APBB2: variants seen among roughly 807,000 people sequenced by gnomAD.
The protein encoded by APBB2 is Fe65-like 1.
APBB2 carries 38 observed loss-of-function variants against 82.5 expected under a neutral mutation model. That is an observed-to-expected ratio of 0.46 (90% CI 0.36 to 0.60). The LOEUF (loss-of-function observed/expected upper bound fraction) is 0.60, where lower values mean the gene tolerates loss of function less well. Ranked by LOEUF, APBB2 falls within the 20% of genes least tolerant of loss-of-function variation. APBB2 has a pLI of 0.00. For missense variants in APBB2, 772 were observed against 972.3 expected (o/e 0.79, Z 2.74); for synonymous variants, 341 against 368.2 (o/e 0.93, Z 0.85).
At chr4:40,987,380 C>A (rs1035021144) in intron 6 of APBB2, among the ~76,000 whole-genome samples, 1 of 152,196 alleles carries the variant, frequency 6.6e-6, no homozygotes, top group Non-Finnish European at 1.5e-5. Flanking sequence ...TGTAAAGTTA[C>A]ACAATCATCA....
intron 17 of APBB2, among the ~76,000 whole-genome samples, chr4:40,818,587 CTCA>C (rs1746639072): frequency 6.6e-6 from 1 of 152,168 alleles, no homozygotes; most frequent in South Asian, 2.1e-4. Flanking sequence ...TCTCCTTTAT[CTCA>C]TCAACTCCCT....
intron 4 of APBB2, among the ~76,000 whole-genome samples, chr4:41,050,470 T>C (rs1192875876): frequency 6.6e-6 from 1 of 152,202 alleles, no homozygotes; most frequent in Non-Finnish European, 1.5e-5. Context: ...TGCATATTGT[T>C]TTTCCAGAGG....
chr4:41,163,926 T>C (rs1329745227), intron 1 of APBB2, among the ~76,000 whole-genome samples: 1 of 152,188 alleles, frequency 6.6e-6, no homozygotes, highest in Non-Finnish European at 1.5e-5. Flanking sequence ...GAAATATAAA[T>C]GTTCTCTAAC....
intron 1 of APBB2, among the ~76,000 whole-genome samples, chr4:41,160,037 A>C (rs1041986576): frequency 2.8e-4 from 41 of 146,282 alleles, no homozygotes; most frequent in African/African-American, 9.3e-4. Context: ...AAGAAGAAGA[A>C]AACATCACAG....
intron 10 of APBB2, among the ~76,000 whole-genome samples, chr4:40,929,748 A>G (rs1052210453): frequency 2.6e-5 from 4 of 152,270 alleles, no homozygotes; most frequent in Non-Finnish European, 5.9e-5. Flanking sequence ...ATGCTGCTGC[A>G]GGCTTTCTGG....
chr4:41,176,497 G>GC (rs754949199), intron 1 of APBB2, among the ~76,000 whole-genome samples: 1 of 151,418 alleles, frequency 6.6e-6, no homozygotes, highest in Non-Finnish European at 1.5e-5. Context: ...CCACCTACCA[G>GC]CCCAAAGGTC....
chr4:40,831,993 T>C (rs981488357), intron 12 of APBB2, among the ~76,000 whole-genome samples: 7 of 138,910 alleles, frequency 5.0e-5, no homozygotes, highest in African/African-American at 1.7e-4. Context: ...CACACACACA[T>C]ATTTATATAT....
At chr4:41,194,300 C>T in intron 1 of APBB2, among the ~76,000 whole-genome samples, 9 of 152,108 alleles carry the variant, frequency 5.9e-5, no homozygotes, top group Admixed American at 2.6e-4. Flanking sequence ...CCAGCCTGGG[C>T]AACAGAGCGA....
At chr4:41,128,423 A>G (rs557916698) in intron 2 of APBB2, among the ~76,000 whole-genome samples, 1 of 152,358 alleles carries the variant, frequency 6.6e-6, no homozygotes, top group Admixed American at 6.5e-5. Context: ...ATATATCCAA[A>G]GCAAGTATGT....
intron 12 of APBB2, among the ~76,000 whole-genome samples, chr4:40,860,343 C>T (rs1319869440): frequency 6.6e-6 from 1 of 152,172 alleles, no homozygotes; most frequent in Non-Finnish European, 1.5e-5. Context: ...CTGAGATTAG[C>T]CCTGGACCAG....
intron 6 of APBB2, among the ~76,000 whole-genome samples, chr4:40,993,860 T>C (rs1579080735): frequency 6.6e-6 from 1 of 152,212 alleles, no homozygotes; most frequent in East Asian, 1.9e-4. Context: ...ACTAAAGCAG[T>C]TCCTGTGTCA....
chr4:41,101,511 C>T (rs1487862757), intron 2 of APBB2, among the ~76,000 whole-genome samples: 1 of 130,224 alleles, frequency 7.7e-6, no homozygotes, highest in African/African-American at 2.8e-5. Flanking sequence ...AGAAGTGAAT[C>T]ACAACAACTT....
intron 4 of APBB2, among the ~76,000 whole-genome samples, chr4:41,058,327 G>A (rs1263794426): frequency 6.6e-6 from 1 of 151,656 alleles, no homozygotes; most frequent in African/African-American, 2.4e-5. Context: ...ACAAAGAAGG[G>A]ACTTAATTTG....
At chr4:41,080,529 A>C (rs1737213497) in intron 3 of APBB2, among the ~76,000 whole-genome samples, 1 of 152,166 alleles carries the variant, frequency 6.6e-6, no homozygotes, top group Non-Finnish European at 1.5e-5. Context: ...AAACCCGATA[A>C]AGAGGGCTTG....
At chr4:40,967,455 T>A (rs1794949537) in intron 6 of APBB2, among the ~76,000 whole-genome samples, 1 of 152,196 alleles carries the variant, frequency 6.6e-6, no homozygotes, top group African/African-American at 2.4e-5. Flanking sequence ...TCTTTGGGGC[T>A]CTGTGGTTCC....
At chr4:40,975,555 G>GCA (rs1172361172) in intron 6 of APBB2, among the ~76,000 whole-genome samples, 1 of 152,066 alleles carries the variant, frequency 6.6e-6, no homozygotes, top group Non-Finnish European at 1.5e-5. Flanking sequence ...GGTACATGCT[G>GCA]CACGTTATTA....
intron 3 of APBB2, among the ~76,000 whole-genome samples, chr4:41,081,981 G>T (rs1737802356): frequency 6.6e-6 from 1 of 152,110 alleles, no homozygotes; most frequent in Admixed American, 6.5e-5. Context: ...GGTATAGAAA[G>T]GAAAAAGACT....
chr4:41,213,991 T>C (rs1484074489), intron 1 of APBB2, among the ~76,000 whole-genome samples: 5 of 152,102 alleles, frequency 3.3e-5, no homozygotes, highest in African/African-American at 9.7e-5. Flanking sequence ...CACCCTCACT[T>C]TTCCCCTCTG....
At chr4:41,191,080 G>A (rs1483780869) in intron 1 of APBB2, among the ~76,000 whole-genome samples, 1 of 152,130 alleles carries the variant, frequency 6.6e-6, no homozygotes, top group Non-Finnish European at 1.5e-5. Context: ...ACACCCAAGA[G>A]GTCAAAAACA....
Sources: gnomAD v4.1 joint callset for allele counts (sites outside exome capture counted in the v4.1 genomes callset) on GRCh38, gnomAD v4.1.1 for gene constraint, MANE v1.5 for transcripts, NCBI Gene and HGNC (gene_info 2026-07-23, HGNC 2026-07-21) for gene names.